SLCO3A1: variants seen among roughly 807,000 people sequenced by gnomAD.
SLCO3A1 encodes PGE1 transporter.
SLCO3A1 carries 27 observed loss-of-function variants against 63.1 expected under a neutral mutation model. The observed-to-expected ratio is 0.43, with a 90% CI of 0.32 to 0.59. The LOEUF (loss-of-function observed/expected upper bound fraction) is 0.59. SLCO3A1 is among the 20% of genes least tolerant of loss of function. SLCO3A1 has a pLI of 0.09. For missense variants in SLCO3A1, 773 were observed against 945.8 expected, an observed-to-expected ratio of 0.82 and a Z score of 2.40; for synonymous variants, 473 against 409.9, an observed-to-expected ratio of 1.15 and a Z score of -1.86.
At chr15:92,148,758 A>C (rs2048264783) in intron 8 of SLCO3A1, 1 of 152,224 alleles carries the variant, frequency 6.6e-6, no homozygotes, top group Non-Finnish European at 1.5e-5. Flanking sequence ...AGCTCAATGC[A>C]GACAAATTTT....
Position 91,916,717 on chromosome 15 carries a change from T to G in SLCO3A1, c.646+259T>G, listed in dbSNP as rs1898674923. 6.6e-6 allele frequency among the ~76,000 whole-genome samples: 1 copy of G among 152,186 alleles called. No homozygotes were observed. The highest frequency in any genetic ancestry group is 2.4e-5 in the African/African-American group (1 of 41,446). ...CTAACACCGCTTCAGTGGGAAAACA[T>G]GATCGGGAGGAGTTGTATGTTTATC... is the stretch of plus-strand genomic sequence containing the variant. On this transcript the variant is annotated intron_variant, in intron 2 of 9. Transcript: ENST00000318445. This position sits in a 1 kb window ranked among gnomAD's most constrained non-coding sequence, Gnocchi z 6.2.
In SLCO3A1 at chr15:92,150,154, G is replaced by A. The variant is rs1043104880; in HGVS notation, c.1689-796G>A. 3.9e-5 allele frequency among the ~76,000 whole-genome samples: 6 copies of A among 152,156 alleles called. No individual in the cohort carries two copies. The East Asian group carries it at 1.2e-3, about 29-fold the overall frequency. Reference sequence around the variant, plus strand: ...CAAACTGAAGAACTAGGAGTCCAATGTTCGAGGGCAGAAGGGGTCCAGCAA... The same window carrying A: ...CAAACTGAAGAACTAGGAGTCCAATATTCGAGGGCAGAAGGGGTCCAGCAA... On this transcript the variant is annotated intron_variant, in intron 8 of 9. Transcript: ENST00000318445.
At chr15:91,963,767 C>G (rs1304905618) in intron 2 of SLCO3A1, among the ~76,000 whole-genome samples, 1 of 152,068 alleles carries the variant, frequency 6.6e-6, no homozygotes, top group Non-Finnish European at 1.5e-5. Context: ...CAGACCTTCG[C>G]AGTGAGTATT....
At chr15:92,125,029 G>A (rs887428220) in intron 5 of SLCO3A1, among the ~76,000 whole-genome samples, 1 of 152,198 alleles carries the variant, frequency 6.6e-6, no homozygotes, top group African/African-American at 2.4e-5. Context: ...TCCAAGAGCA[G>A]CAGATGATAA....
At chr15:91,864,168 A>C (rs1471667913) in intron 1 of SLCO3A1, among the ~76,000 whole-genome samples, 1 of 152,210 alleles carries the variant, frequency 6.6e-6, no homozygotes, top group Non-Finnish European at 1.5e-5. Flanking sequence ...CGACTGTCCA[A>C]CAGGCATATT....
chr15:92,114,387 C>A (rs992820910), intron 4 of SLCO3A1, among the ~76,000 whole-genome samples: 1 of 152,080 alleles, frequency 6.6e-6, no homozygotes, highest in Non-Finnish European at 1.5e-5. Flanking sequence ...TCTTACGGGG[C>A]GTGGTGCTCA....
intron 2 of SLCO3A1, among the ~76,000 whole-genome samples, chr15:92,083,661 CATA>C (rs1270738912): frequency 1.3e-5 from 2 of 152,158 alleles, no homozygotes; most frequent in East Asian, 3.8e-4. Context: ...AAAAATTACT[CATA>C]AGAAATAAGC....
intron 2 of SLCO3A1, among the ~76,000 whole-genome samples, chr15:91,962,435 C>T (rs544534278): frequency 2.0e-4 from 28 of 141,716 alleles, no homozygotes; most frequent in East Asian, 1.7e-3. Context: ...ACTGAGATCG[C>T]GCCATTGCAC....
chr15:92,126,743 AG>A lies in SLCO3A1; in HGVS notation c.1373+485del, dbSNP rs2047929235. ...AGGGAGGGAGGAAGAGAAGGAAGTTAGTTCTCATAGGACCACTTTTCTTTCT... is the reference window on the plus strand; with the variant it reads ...AGGGAGGGAGGAAGAGAAGGAAGTTATTCTCATAGGACCACTTTTCTTTCT... On this transcript the variant is annotated intron_variant, in intron 6 of 9. Transcript: ENST00000318445. Among the ~76,000 whole-genome samples, 6 of 152,156 alleles carry A rather than the reference AG, an allele frequency of 3.9e-5. No individual in the cohort carries two copies. The South Asian group carries it at 1.2e-3, about 31-fold the overall frequency.
intron 2 of SLCO3A1, among the ~76,000 whole-genome samples, chr15:91,975,431 C>T (rs542947051): frequency 4.6e-5 from 7 of 152,300 alleles, no homozygotes; most frequent in Admixed American, 3.3e-4. Flanking sequence ...TTGCATTAAG[C>T]GGACAGAAGT....
chr15:92,016,241 ATAGATAGATAGAT>A lies in SLCO3A1; in HGVS notation c.647-78626_647-78614del, dbSNP rs1555424423. Among the ~76,000 whole-genome samples, 328 of 53,550 alleles carry A rather than the reference ATAGATAGATAGAT, an allele frequency of 6.1e-3. 2 individuals are homozygous for A. The highest frequency in any genetic ancestry group is 0.011 in the African/African-American group (99 of 8,798). The allele number at this position is 53,550 out of a possible 152,430, so 35.1% of individuals were successfully genotyped here. A position where few individuals can be genotyped will look rare whatever the true frequency, so the allele number is the denominator to read the frequency against. ...GATAGATAGATAGATAGATAGATAGATAGATAGATAGATTAGATAGATAGATAGATAGATAGAT... is the reference window on the plus strand; with the variant it reads ...GATAGATAGATAGATAGATAGATAGATAGATAGATAGATAGATAGATAGAT... On this transcript the variant is annotated intron_variant, in intron 2 of 9. Coordinates refer to ENST00000318445, the MANE Select transcript of SLCO3A1 (RefSeq NM_013272.4).
intron 1 of SLCO3A1, among the ~76,000 whole-genome samples, chr15:91,891,259 A>G (rs532609675): frequency 6.6e-6 from 1 of 152,300 alleles, no homozygotes; most frequent in East Asian, 1.9e-4. Flanking sequence ...GCCAGCAGAA[A>G]GAGCCCAGCT....
At chr15:92,044,698 C>G (rs745894508) in intron 2 of SLCO3A1, among the ~76,000 whole-genome samples, 2 of 152,142 alleles carry the variant, frequency 1.3e-5, no homozygotes, top group Non-Finnish European at 2.9e-5. Context: ...CGTCACCTGC[C>G]TAGGAGGCTG....
intron 1 of SLCO3A1, among the ~76,000 whole-genome samples, chr15:91,914,393 C>G (rs1302927840): frequency 6.6e-6 from 1 of 152,116 alleles, no homozygotes; most frequent in African/African-American, 2.4e-5. Context: ...GTTTGAGTAA[C>G]ATGACTGAGG....
At chr15:91,918,037 A>C (rs1342591874) in intron 2 of SLCO3A1, among the ~76,000 whole-genome samples, 1 of 152,224 alleles carries the variant, frequency 6.6e-6, no homozygotes, top group Non-Finnish European at 1.5e-5. Flanking sequence ...AAGTCCTAAC[A>C]GTGCTGTATC....
At chr15:92,093,312 G>C (rs1236126843) in intron 2 of SLCO3A1, among the ~76,000 whole-genome samples, 1 of 152,160 alleles carries the variant, frequency 6.6e-6, no homozygotes, top group Non-Finnish European at 1.5e-5. Context: ...ATTACGTGGC[G>C]AGAGCCAGAG....
chr15:91,951,567 T>C (rs1900001868), intron 2 of SLCO3A1, among the ~76,000 whole-genome samples: 1 of 151,184 alleles, frequency 6.6e-6, no homozygotes, highest in Non-Finnish European at 1.5e-5. Flanking sequence ...TCTTTTTTTT[T>C]TTTTTTGAGA....
intron 2 of SLCO3A1, among the ~76,000 whole-genome samples, chr15:92,018,752 G>C (rs1036185243): frequency 6.6e-6 from 1 of 152,158 alleles, no homozygotes; most frequent in African/African-American, 2.4e-5. Flanking sequence ...AGGGGATCAC[G>C]GGGTGGGTTG....
intron 2 of SLCO3A1, among the ~76,000 whole-genome samples, chr15:91,993,401 G>C (rs2046151491): frequency 6.6e-6 from 1 of 150,974 alleles, no homozygotes; most frequent in Non-Finnish European, 1.5e-5. Flanking sequence ...CTAATTTATA[G>C]AGATAATGAC....
Sources: allele counts gnomAD v4.1 joint callset (sites outside exome capture counted in the v4.1 genomes callset), GRCh38; gene constraint gnomAD v4.1.1; non-coding constraint Gnocchi (gnomAD v3.1); transcripts MANE v1.5; gene names NCBI Gene and HGNC (gene_info 2026-07-23, HGNC 2026-07-21).